The following ZC3H12B variants were observed in gnomAD, a reference collection of about 807,000 sequenced individuals.
ZC3H12B encodes the protein zinc finger CCCH-type containing 12B, also known as probable ribonuclease ZC3H12B.
A neutral mutation model predicts 43.9 loss-of-function variants in ZC3H12B; 7 were observed. The observed-to-expected ratio is 0.16, with a 90% CI of 0.09 to 0.30. The LOEUF is 0.30. Among genes scored for constraint, ZC3H12B ranks in the 10% least tolerant of loss-of-function variants. ZC3H12B has a pLI of 1.00. For missense variants in ZC3H12B, 475 were observed against 670.2 expected (o/e 0.71, Z 3.22); for synonymous variants, 222 against 241.7 (o/e 0.92, Z 0.76).
At chrX:65,289,419 T>G in the ZC3H12B span, among the ~76,000 whole-genome samples, 1 of 110,026 alleles carries the variant, frequency 9.1e-6, no homozygotes, top group Admixed American at 9.8e-5. Flanking sequence ...ATGATGAGAT[T>G]ATTCATAACC....
chrX:65,481,476 C>T lies in ZC3H12B; in HGVS notation n.408-7170C>T, dbSNP rs1189792431. Among the ~76,000 whole-genome samples, 5 of 110,921 alleles carry T rather than the reference C, an allele frequency of 4.5e-5. No homozygotes were observed. The Admixed American group carries it at 4.8e-4, about 11-fold the overall frequency. On this transcript the variant is annotated intron_variant and non_coding_transcript_variant, in intron 3 of 5. Transcript: ENST00000617377. ...TAGTGGTAGAGGGAATATTTGCACC[C>T]AAATACCCTGACTCCAGCTCCAAAT... is the stretch of plus-strand genomic sequence containing the variant.
At chrX:65,212,415 A>G in the ZC3H12B span, among the ~76,000 whole-genome samples, 1 of 59,625 alleles carries the variant, frequency 1.7e-5, no homozygotes, top group South Asian at 1.1e-3. Flanking sequence ...TTTATATTAT[A>G]TATGTAATAT....
At chrX:65,412,825 A>C (rs2066919176) in intron 3 of ZC3H12B, among the ~76,000 whole-genome samples, 1 of 101,633 alleles carries the variant, frequency 9.8e-6, no homozygotes, top group Admixed American at 9.9e-5. Context: ...ATTTTATGTA[A>C]ATTCTGTTTT....
At chrX:65,257,508 G>A in the ZC3H12B span, among the ~76,000 whole-genome samples, 9 of 110,556 alleles carry the variant, frequency 8.1e-5, no homozygotes, top group African/African-American at 3.0e-4. Context: ...TGTGAATGAC[G>A]AGTTGATGGG....
the ZC3H12B span, among the ~76,000 whole-genome samples, chrX:65,273,452 T>C: frequency 9.0e-6 from 1 of 110,996 alleles, no homozygotes; most frequent in East Asian, 2.8e-4. Context: ...AAGGGACTTG[T>C]GGCACATGAT....
chrX:65,319,041 C>G, the ZC3H12B span, among the ~76,000 whole-genome samples: 1 of 110,944 alleles, frequency 9.0e-6, no homozygotes. Flanking sequence ...AAAACATACC[C>G]CAGAGCTAGC....
chrX:65,213,133 C>T, the ZC3H12B span, among the ~76,000 whole-genome samples: 1 of 108,597 alleles, frequency 9.2e-6, no homozygotes, highest in African/African-American at 3.3e-5. Context: ...TTTTTCTGTG[C>T]ATATATTATA....
the ZC3H12B span, among the ~76,000 whole-genome samples, chrX:65,113,985 GTATATATATA>G: frequency 0.065 from 3,065 of 47,433 alleles, 207 homozygotes; most frequent in African/African-American, 0.14. Context: ...AGATATGCTT[GTATATATATA>G]TATATATATA....
chrX:65,441,165 C>G (rs755997533), intron 3 of ZC3H12B, among the ~76,000 whole-genome samples: 1 of 111,668 alleles, frequency 9.0e-6, no homozygotes, highest in Non-Finnish European at 1.9e-5. Flanking sequence ...CCTCCCATTG[C>G]GGTAATAAAT....
At chrX:65,135,353 G>T in the ZC3H12B span, among the ~76,000 whole-genome samples, 3 of 104,288 alleles carry the variant, frequency 2.9e-5, no homozygotes, top group Admixed American at 1.0e-4. Context: ...CTAGGTTGTT[G>T]TTTTTTTTTT....
the ZC3H12B span, among the ~76,000 whole-genome samples, chrX:65,154,095 G>T: frequency 9.0e-6 from 1 of 110,871 alleles, no homozygotes; most frequent in Non-Finnish European, 1.9e-5. Flanking sequence ...TGGGAGGAGG[G>T]GGCAGGGATA....
the ZC3H12B span, among the ~76,000 whole-genome samples, chrX:65,062,899 G>T: frequency 9.0e-6 from 1 of 111,326 alleles, no homozygotes; most frequent in African/African-American, 3.3e-5. Flanking sequence ...TGTATTCCTA[G>T]GTATTTTATT....
chrX:65,057,022 G>A, the ZC3H12B span, among the ~76,000 whole-genome samples: 2 of 111,795 alleles, frequency 1.8e-5, no homozygotes, highest in African/African-American at 6.5e-5. Context: ...CACAGTGATA[G>A]GTCTGGACTC....
the ZC3H12B span, among the ~76,000 whole-genome samples, chrX:65,349,673 A>G: frequency 8.9e-6 from 1 of 111,927 alleles, no homozygotes; most frequent in Non-Finnish European, 1.9e-5. Context: ...TATAGGGTAT[A>G]TCACCACTGA....
intron 3 of ZC3H12B, among the ~76,000 whole-genome samples, chrX:65,457,091 G>A (rs780193540): frequency 2.0e-3 from 182 of 90,712 alleles, no homozygotes; most frequent in Non-Finnish European, 3.0e-3. Flanking sequence ...CCTCTGCCCC[G>A]CCGCCCTGTC....
the ZC3H12B span, among the ~76,000 whole-genome samples, chrX:65,109,930 C>A: frequency 9.0e-6 from 1 of 111,362 alleles, no homozygotes; most frequent in African/African-American, 3.3e-5. Context: ...GTTTGCATTT[C>A]CCTAATGAGC....
the ZC3H12B span, among the ~76,000 whole-genome samples, chrX:65,246,903 A>T: frequency 1.8e-5 from 2 of 112,624 alleles, no homozygotes; most frequent in Non-Finnish European, 3.8e-5. Context: ...AAAATTGACA[A>T]ATGGGACCTA....
chrX:65,489,578 C>A (rs1156580446), intron 1 of ZC3H12B, among the ~76,000 whole-genome samples, 169 bp downstream of exon 6: 1 of 111,949 alleles, frequency 8.9e-6, no homozygotes, highest in East Asian at 2.8e-4. Flanking sequence ...TCTTCTTCCA[C>A]TGAAGTTGCT....
At chrX:65,157,697 T>C in the ZC3H12B span, among the ~76,000 whole-genome samples, 1 of 111,767 alleles carries the variant, frequency 8.9e-6, no homozygotes, top group African/African-American at 3.3e-5. Flanking sequence ...TACTAATATA[T>C]TTGAATTTAT....
Sources: gnomAD v4.1 joint callset for allele counts (sites outside exome capture counted in the v4.1 genomes callset) on GRCh38, gnomAD v4.1.1 for gene constraint, MANE v1.5 for transcripts, NCBI Gene and HGNC (gene_info 2026-07-23, HGNC 2026-07-21) for gene names.